SLC5A8: variants seen among roughly 807,000 people sequenced by gnomAD.
SLC5A8 encodes solute carrier family 5 member 8.
Under a neutral mutation model 71.9 loss-of-function variants are expected in SLC5A8, and 55 were observed. That is an observed-to-expected ratio of 0.77 (90% confidence interval 0.62 to 0.96). SLC5A8 has a LOEUF of 0.96. Among genes scored for constraint, SLC5A8 ranks in the 40% least tolerant of loss-of-function variants. The pLI, the probability that SLC5A8 is intolerant of heterozygous loss-of-function variation, is 0.00. For synonymous variants in SLC5A8, 307 were observed against 276.1 expected (o/e 1.11, Z -1.11); for missense variants, 701 against 745.3 (o/e 0.94, Z 0.69).
intron 13 of SLC5A8, among the ~76,000 whole-genome samples, chr12:101,158,800 G>A (rs1229323380): frequency 6.6e-6 from 1 of 150,826 alleles, no homozygotes; most frequent in Non-Finnish European, 1.5e-5. Flanking sequence ...GCTTCAGACA[G>A]TGGAGCTGCT....
intron 12 of SLC5A8, among the ~76,000 whole-genome samples, chr12:101,165,848 T>C (rs2051765122): frequency 6.6e-6 from 1 of 152,234 alleles, no homozygotes; most frequent in Non-Finnish European, 1.5e-5. Flanking sequence ...ACAGGGTTTG[T>C]GCTTTAAAGC....
rs766953204 is a variant in SLC5A8, at chr12:101,166,562, C to T, written c.1458G>A (p.Glu486=). Residue 486 remains glutamate (E), a synonymous_variant, in exon 12 of 15, where the codon GAG becomes GAA. Transcript: ENST00000536262. ...TTTCTGTGGTTGTCATCAAATTTGT[C>T]TCATTGTAGGTGCTGTTACAGCCTT... ...DIQGCNSTYN[E]TNLMTTTEMP... 1.9e-6 allele frequency: 3 copies of T among 1,613,960 alleles called. No homozygotes were observed. Among genetic ancestry groups the T allele is most frequent in the Admixed American group, 1.7e-5 (1 of 59,992 alleles).
chr12:101,169,259 C>T (rs1200590138), intron 10 of SLC5A8, among the ~76,000 whole-genome samples: 22 of 152,164 alleles, frequency 1.4e-4, no homozygotes, highest in Non-Finnish European at 1.5e-5. Context: ...GGAAATAAGA[C>T]CTTGGCTAGA....
intron 10 of SLC5A8, among the ~76,000 whole-genome samples, chr12:101,177,444 T>TAC (rs60836789): frequency 0.1 from 9,408 of 94,432 alleles, 330 homozygotes; most frequent in Non-Finnish European, 0.13. Context: ...AGGCAGTATA[T>TAC]ACACACACAC....
chr12:101,196,190 G>C (rs917711867), intron 3 of SLC5A8, among the ~76,000 whole-genome samples: 1 of 152,082 alleles, frequency 6.6e-6, no homozygotes, highest in South Asian at 2.1e-4. Context: ...AGGCCCCACT[G>C]TGTGTTGTTC....
chr12:101,208,750 C>T (rs924787048), intron 1 of SLC5A8, among the ~76,000 whole-genome samples: 1 of 152,220 alleles, frequency 6.6e-6, no homozygotes, highest in Non-Finnish European at 1.5e-5. Flanking sequence ...ACCATCACAA[C>T]TAGCACCACC....
chr12:101,169,793 G>A (rs2051810631), intron 10 of SLC5A8, among the ~76,000 whole-genome samples: 2 of 152,218 alleles, frequency 1.3e-5, no homozygotes, highest in Non-Finnish European at 2.9e-5. Flanking sequence ...GGGCACTGCA[G>A]TAGGAACCAG....
At chr12:101,158,213 A>G in intron 14 of SLC5A8, 36 bp downstream of exon 14, 1 of 1,411,892 alleles carries the variant, frequency 7.1e-7, no homozygotes, top group Non-Finnish European at 9.9e-7. Context: ...AATAAAGCCC[A>G]GTTTCCTAAC....
chr12:101,171,037 G>A (rs186356271), intron 10 of SLC5A8, among the ~76,000 whole-genome samples: 8 of 152,296 alleles, frequency 5.3e-5, no homozygotes, highest in African/African-American at 9.6e-5. Context: ...GGATGGTGTC[G>A]TGGGCCAGAT....
At chr12:101,207,307 G>T (rs978917332) in intron 1 of SLC5A8, among the ~76,000 whole-genome samples, 6 of 152,164 alleles carry the variant, frequency 3.9e-5, no homozygotes, top group Non-Finnish European at 7.3e-5. Context: ...ATATGTCTAC[G>T]CTGCTTCACA....
In SLC5A8 at chr12:101,190,533, G is replaced by C. The variant is rs1868847562; in HGVS notation, c.768C>G (p.Ile256Met). Reference protein sequence around the residue: ...IIGGTFTWTSIYGVNQSQVQR... With the variant: ...IIGGTFTWTSMYGVNQSQVQR... Reference sequence around the variant, plus strand: ...GCACCTGGGATTGGTTGACACCGTAGATGCTGGTCCATGTGAAGGTCCCTC... The same window carrying C: ...GCACCTGGGATTGGTTGACACCGTACATGCTGGTCCATGTGAAGGTCCCTC... The change falls in exon 6 of 15, where the codon ATC becomes ATG. Residue 256 changes from isoleucine (I) to methionine (M), a missense_variant. Transcript: ENST00000536262. 1 of 1,613,290 alleles carries C rather than the reference G, an allele frequency of 6.2e-7. No individual in the cohort carries two copies. The highest frequency in any genetic ancestry group is 1.3e-5 in the African/African-American group (1 of 74,884).
At chr12:101,165,943 G>A (rs1172897979) in intron 12 of SLC5A8, among the ~76,000 whole-genome samples, 3 of 152,110 alleles carry the variant, frequency 2.0e-5, no homozygotes, top group Non-Finnish European at 4.4e-5. Flanking sequence ...ATTTCAGTAC[G>A]TTAAATCAGA....
rs763403390 is a variant in SLC5A8, at chr12:101,166,521, C to CTAG, written c.1496_1498dup (p.Thr499dup). ...TTGAACATTGTATATTTGAAAAACACTAGTAGTAAATGGCATTTCTGTGGT... is the reference window on the plus strand; with the variant it reads ...TTGAACATTGTATATTTGAAAAACACTAGTAGTAGTAAATGGCATTTCTGTGGT... On this transcript the variant is annotated inframe_insertion, in exon 12 of 15. Coordinates refer to ENST00000536262, the MANE Select transcript of SLC5A8 (RefSeq NM_145913.5). The CTAG allele has an allele frequency of 1.2e-6, 2 of 1,613,614 alleles. No individual in the cohort carries two copies. Among genetic ancestry groups the CTAG allele is most frequent in the Non-Finnish European group, 1.7e-6 (2 of 1,179,818 alleles).
Position 101,180,014 on chromosome 12 carries a change from G to A in SLC5A8, c.1233+15C>T. ...TAGTGATTTATGACTTAAACCTCCA[G>A]GGGCCAGCTCTCACCTGCAACAAAG... On this transcript the variant is annotated intron_variant, in intron 10 of 14. Coordinates refer to ENST00000536262, the MANE Select transcript of SLC5A8 (RefSeq NM_145913.5). The A allele has an allele frequency of 6.2e-7, 1 of 1,613,844 alleles. No individual in the cohort carries two copies.
At chr12:101,187,034 C>A (rs1322624003) in intron 7 of SLC5A8, among the ~76,000 whole-genome samples, 1 of 152,052 alleles carries the variant, frequency 6.6e-6, no homozygotes, top group Admixed American at 6.6e-5. Flanking sequence ...CTAACAAACA[C>A]CCACAAAATG....
intron 3 of SLC5A8, 68 bp from the exon 4 acceptor site, chr12:101,195,230 A>G: frequency 2.6e-6 from 4 of 1,524,512 alleles, no homozygotes; most frequent in Non-Finnish European, 2.7e-6. Context: ...CTCAAAAATC[A>G]TCAGAGAAGG....
At chr12:101,191,908 C>T (rs1868929256) in intron 5 of SLC5A8, among the ~76,000 whole-genome samples, 1 of 152,152 alleles carries the variant, frequency 6.6e-6, no homozygotes, top group Admixed American at 6.5e-5. Context: ...TGTGTATAAG[C>T]TATCACTTCT....
chr12:101,193,804 T>G (rs1195310790), intron 4 of SLC5A8, 25 bp from the exon 5 acceptor site: 1 of 1,610,494 alleles, frequency 6.2e-7, no homozygotes, highest in African/African-American at 1.3e-5. Context: ...TATATTAGGA[T>G]TAATGCTTCT....
intron 10 of SLC5A8, among the ~76,000 whole-genome samples, chr12:101,176,592 C>T (rs1031253940): frequency 2.0e-5 from 3 of 151,996 alleles, no homozygotes; most frequent in African/African-American, 7.2e-5. Flanking sequence ...AGTGTGTTCT[C>T]TGATCACAAT....
Sources: allele counts gnomAD v4.1 joint callset (sites outside exome capture counted in the v4.1 genomes callset), GRCh38; gene constraint gnomAD v4.1.1; transcripts MANE v1.5; gene names NCBI Gene and HGNC (gene_info 2026-07-23, HGNC 2026-07-21).